C8orf34: variants seen among roughly 807,000 people sequenced by gnomAD.
C8orf34 encodes the protein uncharacterized protein C8orf34.
A neutral mutation model predicts 68.3 loss-of-function variants in C8orf34; 65 were observed. The observed-to-expected ratio is 0.95, with a 90% CI of 0.78 to 1.17. The LOEUF (loss-of-function observed/expected upper bound fraction) is 1.17, where lower values mean the gene tolerates loss of function less well. C8orf34 is among the 50% of genes most tolerant of loss of function. The pLI, the probability that C8orf34 is intolerant of heterozygous loss-of-function variation, is 0.00. For synonymous variants in C8orf34, 244 were observed against 241.2 expected (o/e 1.01, Z -0.11); for missense variants, 664 against 655.4 (o/e 1.01, Z -0.14).
intron 7 of C8orf34, among the ~76,000 whole-genome samples, chr8:68,632,104 TC>T (rs1444257649): frequency 2.6e-5 from 4 of 152,170 alleles, no homozygotes; most frequent in Admixed American, 1.3e-4. Flanking sequence ...GTTTGGAACT[TC>T]CTAGAGACTT....
chr8:68,735,677 G>A (rs1413366762), intron 10 of C8orf34, among the ~76,000 whole-genome samples: 7 of 151,942 alleles, frequency 4.6e-5, no homozygotes, highest in African/African-American at 1.7e-4. Flanking sequence ...TCTAACTTGA[G>A]AAAGAAAAGA....
chr8:68,593,206 A>G (rs1007202758), intron 7 of C8orf34, among the ~76,000 whole-genome samples: 18 of 152,142 alleles, frequency 1.2e-4, no homozygotes, highest in African/African-American at 4.3e-4. Context: ...AATTGCACTA[A>G]TAGATTTTTG....
At chr8:68,460,643 G>A (rs112482648) in intron 3 of C8orf34, among the ~76,000 whole-genome samples, 19,281 of 152,142 alleles carry the variant, frequency 0.13, 1,427 homozygotes, top group African/African-American at 0.2. Context: ...ATGAAAATCC[G>A]CTGTTCTACA....
intron 12 of C8orf34, among the ~76,000 whole-genome samples, chr8:68,802,631 T>C (rs981316846): frequency 6.6e-6 from 1 of 152,084 alleles, no homozygotes; most frequent in African/African-American, 2.4e-5. Flanking sequence ...CCCGAGTAGC[T>C]GGGACTACAG....
intron 1 of C8orf34, among the ~76,000 whole-genome samples, chr8:68,346,989 G>C (rs957365614): frequency 6.6e-5 from 10 of 151,692 alleles, no homozygotes; most frequent in Admixed American, 2.0e-4. Context: ...AGGTTTGGGG[G>C]CACCTGTTAA....
intron 12 of C8orf34, among the ~76,000 whole-genome samples, chr8:68,804,791 A>C (rs557267843): frequency 1.3e-5 from 2 of 152,282 alleles, no homozygotes; most frequent in African/African-American, 4.8e-5. Context: ...AAATAAATAA[A>C]TAAACAAACA....
At chr8:68,423,766 G>A (rs1810086898) in intron 1 of C8orf34, among the ~76,000 whole-genome samples, 1 of 152,024 alleles carries the variant, frequency 6.6e-6, no homozygotes. Context: ...AAAGAAAGGA[G>A]GTTTAATTGG....
chr8:68,649,003 G>A (rs1819263110), intron 8 of C8orf34, among the ~76,000 whole-genome samples: 1 of 152,006 alleles, frequency 6.6e-6, no homozygotes, highest in South Asian at 2.1e-4. Flanking sequence ...ATTGTATTTG[G>A]TTTCATTTTG....
At chr8:68,390,546 T>A (rs1808438963) in intron 1 of C8orf34, among the ~76,000 whole-genome samples, 1 of 152,152 alleles carries the variant, frequency 6.6e-6, no homozygotes, top group South Asian at 2.1e-4. Flanking sequence ...AACAGACTCT[T>A]TCTTTCCATC....
At position 68,521,832 on chromosome 8, in the gene C8orf34, C is replaced by A. The variant is rs1256309597; in HGVS notation, c.799C>A (p.Pro267Thr). ...TVTFNSSLLR[P>T]RVIGEWIGRE... is the part of the protein sequence containing the mutation. ...GACATTTAATTCTTCTCTTCTGAGG[C>A]CCCGTGTGATTGGAGAATGGATTGG... Residue 267 changes from proline (P) to threonine (T), a missense_variant, in exon 6 of 14, where the codon CCC (proline) becomes ACC (threonine). By Grantham distance (38) the Pro-to-Thr change is conservative. Coordinates refer to ENST00000518698, the MANE Select transcript of C8orf34 (RefSeq NM_052958.4). The A allele has an allele frequency of 6.2e-7, 1 of 1,613,890 alleles. No homozygotes were observed. The highest frequency in any genetic ancestry group is 8.5e-7 in the Non-Finnish European group (1 of 1,179,890).
intron 1 of C8orf34, among the ~76,000 whole-genome samples, chr8:68,405,326 G>T (rs1400928166): frequency 6.6e-6 from 1 of 152,048 alleles, no homozygotes; most frequent in Non-Finnish European, 1.5e-5. Context: ...CTAAGAGTTT[G>T]GTTTATTCTC....
intron 1 of C8orf34, among the ~76,000 whole-genome samples, chr8:68,417,200 C>T (rs2129622964): frequency 6.6e-6 from 1 of 152,136 alleles, no homozygotes; most frequent in South Asian, 2.1e-4. Flanking sequence ...GGCTTTATTT[C>T]TTAGAGCATT....
rs141400589 is a variant in C8orf34 at position 68,514,212 on chromosome 8, A to C, written c.766-7587A>C. 5.6e-3 allele frequency among the ~76,000 whole-genome samples: 852 copies of C among 152,214 alleles called. 9 individuals are homozygous for C. The highest frequency in any genetic ancestry group is 0.02 in the African/African-American group (819 of 41,538). Reference sequence around the variant, plus strand: ...CCTGCTAGAGTGCTTCCCACCTCACAGTTCAGATCCCAGCTTCCACACAGG... The same window carrying C: ...CCTGCTAGAGTGCTTCCCACCTCACCGTTCAGATCCCAGCTTCCACACAGG... On this transcript the variant is annotated intron_variant, in intron 5 of 13. Transcript: ENST00000518698.
chr8:68,817,837 G>A (rs1227653359), intron 13 of C8orf34, among the ~76,000 whole-genome samples: 3 of 152,104 alleles, frequency 2.0e-5, no homozygotes, highest in Admixed American at 2.0e-4. Flanking sequence ...CATCAGGAAG[G>A]AGAAATGCCA....
At chr8:68,746,284 G>A (rs1430776003) in intron 10 of C8orf34, among the ~76,000 whole-genome samples, 7 of 143,224 alleles carry the variant, frequency 4.9e-5, no homozygotes, top group South Asian at 2.3e-4. Context: ...GAGAAAGCAG[G>A]AAAGATCCAA....
chr8:68,721,079 A>G (rs1340158008), intron 9 of C8orf34, among the ~76,000 whole-genome samples: 1 of 152,018 alleles, frequency 6.6e-6, no homozygotes, highest in Non-Finnish European at 1.5e-5. Context: ...AATTAGCTGG[A>G]TAATATGCCA....
intron 4 of C8orf34, among the ~76,000 whole-genome samples, chr8:68,487,186 A>G (rs1027774830): frequency 6.6e-6 from 1 of 152,220 alleles, no homozygotes; most frequent in Non-Finnish European, 1.5e-5. Context: ...GGGGTAGATT[A>G]TCAAGAGAAG....
intron 7 of C8orf34, among the ~76,000 whole-genome samples, chr8:68,616,468 C>G (rs1196585644): frequency 1.3e-5 from 2 of 152,060 alleles, no homozygotes; most frequent in Non-Finnish European, 2.9e-5. Context: ...TGAATGTGTC[C>G]CAGAGATTCT....
intron 8 of C8orf34, among the ~76,000 whole-genome samples, chr8:68,676,152 G>T (rs946264475): frequency 6.6e-6 from 1 of 152,078 alleles, no homozygotes; most frequent in African/African-American, 2.4e-5. Context: ...TGGGCAACAT[G>T]GTGAAACCCC....
Sources: allele counts gnomAD v4.1 joint callset (sites outside exome capture counted in the v4.1 genomes callset), GRCh38; gene constraint gnomAD v4.1.1; transcripts MANE v1.5; gene names NCBI Gene and HGNC (gene_info 2026-07-23, HGNC 2026-07-21).